ADD2: variants seen among roughly 807,000 people sequenced by gnomAD.
ADD2 encodes the protein adducin 2, also known as beta-adducin.
Under a neutral mutation model 83.0 loss-of-function variants are expected in ADD2, and 23 were observed. That is an observed-to-expected ratio of 0.28 (90% confidence interval 0.20 to 0.39). The LOEUF is 0.39. Ranked by LOEUF, ADD2 falls within the 10% of genes least tolerant of loss-of-function variation. The pLI is 1.00. For synonymous variants in ADD2, 375 were observed against 375.4 expected (o/e 1.00, Z 0.01); for missense variants, 758 against 944.9 (o/e 0.80, Z 2.59).
At chr2:70,717,770 A>AT (rs1206922490) in intron 1 of ADD2, 1 of 152,306 alleles carries the variant, frequency 6.6e-6, no homozygotes, top group Non-Finnish European at 1.5e-5. Context: ...AAGACAGTTG[A>AT]ATAAGGGACT....
chr2:70,705,105 A>G (rs1671814045), intron 3 of ADD2, among the ~76,000 whole-genome samples: 1 of 151,998 alleles, frequency 6.6e-6, no homozygotes. Context: ...TCCAACCCCT[A>G]TTTACTGCCT....
intron 1 of ADD2, among the ~76,000 whole-genome samples, chr2:70,741,906 C>T (rs1190518195): frequency 3.9e-5 from 6 of 152,216 alleles, no homozygotes; most frequent in Non-Finnish European, 5.9e-5. Context: ...TCCCACCCAG[C>T]TGTGGGCTCC....
chr2:70,675,611 A>G, intron 13 of ADD2: 2 of 985,362 alleles, frequency 2.0e-6, no homozygotes, highest in Non-Finnish European at 2.4e-6. Context: ...TTGGCCTTTG[A>G]GGATGCAGTG....
At chr2:70,673,394 CA>C (rs1553367557) in intron 14 of ADD2, 1 of 1,341,772 alleles carries the variant, frequency 7.5e-7, no homozygotes, top group Non-Finnish European at 1.1e-6. Flanking sequence ...GAGGTGGACC[CA>C]CAACCACCAA....
At chr2:70,666,329 C>G (rs991550838) in intron 15 of ADD2, among the ~76,000 whole-genome samples, 4 of 152,182 alleles carry the variant, frequency 2.6e-5, no homozygotes, top group Admixed American at 2.6e-4. Context: ...CTTATCTATC[C>G]CAGCCTGAGC....
At chr2:70,751,452 A>G (rs1674504463) in intron 1 of ADD2, among the ~76,000 whole-genome samples, 1 of 152,242 alleles carries the variant, frequency 6.6e-6, no homozygotes, top group Non-Finnish European at 1.5e-5. Flanking sequence ...GCCTTAGCAT[A>G]TTAAAAGTCC....
At chr2:70,713,317 T>A in intron 1 of ADD2, 133 bp from the exon 2 acceptor site, 2 of 291,304 alleles carry the variant, frequency 6.9e-6, no homozygotes, top group Non-Finnish European at 1.0e-5. Context: ...ATTATGCCTT[T>A]AAAAAGGTAA....
chr2:70,657,780 A>C lies in ADD2; in HGVS notation c.*5645T>G, dbSNP rs1332791408. 1.3e-5 allele frequency: 2 copies of C among 152,178 alleles called. No individual in the cohort carries two copies. Among genetic ancestry groups the C allele is most frequent in the African/African-American group, 4.8e-5 (2 of 41,396 alleles). The allele number at this position is 152,178 out of a possible 1,614,324, so 9.4% of individuals were successfully genotyped here. On this transcript the variant is annotated 3_prime_UTR_variant, in exon 16 of 16. Coordinates refer to ENST00000264436, the MANE Select transcript of ADD2 (RefSeq NM_001617.4). The stretch of plus-strand genomic sequence containing the variant: ...CCCCAAACTCTTACGTTTTCTTTAA[A>C]CTACCTAGAGATAAGCAATTTGCCG...
chr2:70,679,697 T>TAA (rs34201521), intron 10 of ADD2, among the ~76,000 whole-genome samples: 2 of 151,558 alleles, frequency 1.3e-5, no homozygotes, highest in South Asian at 2.1e-4. Flanking sequence ...TAAGCAAAAT[T>TAA]AAAAAAAATA....
At chr2:70,683,106 TC>T (rs1369278625) in intron 10 of ADD2, among the ~76,000 whole-genome samples, 1 of 144,982 alleles carries the variant, frequency 6.9e-6, no homozygotes, top group Non-Finnish European at 1.5e-5. Context: ...CACTGCAACC[TC>T]CGCCTCCCAG....
chr2:70,745,844 AC>A (rs1674162668), intron 1 of ADD2, among the ~76,000 whole-genome samples: 1 of 152,206 alleles, frequency 6.6e-6, no homozygotes, highest in Non-Finnish European at 1.5e-5. Context: ...ATTGAGTCCA[AC>A]CCCTGTAGCC....
chr2:70,668,258 AG>A lies in ADD2; in HGVS notation c.1871-4524del, dbSNP rs1669740746. Among the ~76,000 whole-genome samples the A allele has an allele frequency of 2.6e-5, 4 of 152,166 alleles. No individual in the cohort carries two copies. The East Asian group carries it at 5.8e-4, about 22-fold the overall frequency. On this transcript the variant is annotated intron_variant, in intron 15 of 15. Coordinates refer to ENST00000264436, the MANE Select transcript of ADD2 (RefSeq NM_001617.4). ...TATCCCCTTGGTTCTGTTTCTCTGG[AG>A]AACTCTAATACAGTCCCCTTCCAGG... is the stretch of plus-strand genomic sequence containing the variant.
chr2:70,668,876 A>G lies in ADD2; in HGVS notation c.1870+4002T>C, dbSNP rs571066938. Among the ~76,000 whole-genome samples the G allele has an allele frequency of 2.6e-5, 4 of 152,328 alleles. 1 individual carries two copies. The highest frequency in any genetic ancestry group is 9.6e-5 in the African/African-American group (4 of 41,582). ...AGACACCAGTGGAGGGCCTAGAAAC[A>G]GGATTTGCTGACGCGCTTCTGAACA... On this transcript the variant is annotated intron_variant, in intron 15 of 15. Transcript: ENST00000264436.
At chr2:70,742,821 G>A (rs1170462086) in intron 1 of ADD2, among the ~76,000 whole-genome samples, 5 of 152,178 alleles carry the variant, frequency 3.3e-5, no homozygotes, top group African/African-American at 1.2e-4. Flanking sequence ...CACCTAGGGA[G>A]CCTACAAATG....
At position 70,672,992 on chromosome 2, in the gene ADD2, C is replaced by T. The variant is rs782203959; in HGVS notation, c.1756G>A (p.Ala586Thr). 1 of 1,613,120 alleles carries T rather than the reference C, an allele frequency of 6.2e-7. No individual in the cohort carries two copies. The highest frequency in any genetic ancestry group is 8.5e-7 in the Non-Finnish European group (1 of 1,179,790). Residue 586 changes from alanine (A) to threonine (T), a missense_variant, in exon 15 of 16, where the codon GCC becomes ACC. Physicochemically the swap from Ala to Thr is moderately conservative, Grantham distance 58. This residue lies in a region of ADD2 where 165 missense variants were observed against 176.2 expected (regional missense o/e 0.94). Transcript: ENST00000264436. ...GCAGGTGAGCCAGGCTCTTCTGGGG[C>T]AGTTTCTTTCTCTCCTGAAAAAACA... ...KLELDGEKET[A>T]PEEPGSPAKS...
intron 1 of ADD2, among the ~76,000 whole-genome samples, chr2:70,762,907 T>C (rs1196144809): frequency 2.6e-5 from 4 of 151,690 alleles, no homozygotes; most frequent in Non-Finnish European, 5.9e-5. Flanking sequence ...GGTTTCACCA[T>C]GTTGGCCAGG....
intron 1 of ADD2, chr2:70,767,521 GA>G (rs1269529674): frequency 9.2e-6 from 4 of 435,452 alleles, no homozygotes; most frequent in African/African-American, 8.7e-5. Context: ...GGAGGGGAGG[GA>G]GGGGAGGGGA....
intron 1 of ADD2, among the ~76,000 whole-genome samples, chr2:70,766,214 A>C (rs1675371918): frequency 6.6e-6 from 1 of 152,220 alleles, no homozygotes; most frequent in Non-Finnish European, 1.5e-5. Flanking sequence ...TTTTGGATCA[A>C]AGAATAATTT....
chr2:70,672,428 G>C (rs1669933183), intron 15 of ADD2, among the ~76,000 whole-genome samples: 1 of 152,224 alleles, frequency 6.6e-6, no homozygotes, highest in South Asian at 2.1e-4. Flanking sequence ...AGCTCCGCAA[G>C]TGATTCCAAT....
Sources: allele counts gnomAD v4.1 joint callset (sites outside exome capture counted in the v4.1 genomes callset), GRCh38; gene constraint gnomAD v4.1.1; regional missense constraint gnomAD v4.1.1; transcripts MANE v1.5; gene names NCBI Gene and HGNC (gene_info 2026-07-23, HGNC 2026-07-21).